FBN2: variants seen among roughly 807,000 people sequenced by gnomAD.
The protein encoded by FBN2 is fibrillin 2.
In FBN2, 105 loss-of-function variants were observed where a neutral mutation model predicts 355.6. The observed-to-expected ratio is 0.30, with a 90% CI of 0.25 to 0.35. FBN2 has a LOEUF of 0.35. Ranked by LOEUF, FBN2 falls within the 10% of genes least tolerant of loss-of-function variation. FBN2 has a pLI of 1.00. For missense variants in FBN2, 3,280 were observed against 3,758.7 expected, an observed-to-expected ratio of 0.87 and a Z score of 3.33; for synonymous variants, 1,350 against 1,301.2, an observed-to-expected ratio of 1.04 and a Z score of -0.81.
chr5:128,418,644 T>G (rs1185430808), intron 7 of FBN2, among the ~76,000 whole-genome samples: 1 of 152,202 alleles, frequency 6.6e-6, no homozygotes, highest in Admixed American at 6.5e-5. Context: ...GAGCATGTTG[T>G]TGAATTTCCA....
intron 58 of FBN2, 136 bp downstream of exon 58, chr5:128,277,744 A>G: frequency 2.0e-6 from 2 of 1,011,606 alleles, no homozygotes; most frequent in Non-Finnish European, 3.0e-6. Context: ...CACATTATTG[A>G]GAGGATGGCA....
Position 128,274,632 on chromosome 5 carries a change from T to C in FBN2, c.7646A>G (p.Asn2549Ser). 6.2e-7 allele frequency: 1 copy of C among 1,613,598 alleles called. No homozygotes were observed. Among genetic ancestry groups the C allele is most frequent in the Non-Finnish European group, 8.5e-7 (1 of 1,179,560 alleles). Residue 2549 changes from asparagine to serine, a missense_variant, in exon 60 of 65, where the codon AAC becomes AGC. Transcript: ENST00000262464. ...TTTACAGGTAAACCCCCCCAGGGTG[T>C]TGACACAGAGGAACTGGCAGTTATG... ...KQHNCQFLCV[N>S]TLGGFTCKCP...
intron 62 of FBN2, among the ~76,000 whole-genome samples, chr5:128,265,837 T>C (rs1765101904): frequency 1.3e-5 from 2 of 152,216 alleles, no homozygotes; most frequent in Admixed American, 6.5e-5. Context: ...TCTTCTTCAA[T>C]TGGTAGCAGG....
rs747812036 is a variant in FBN2 at position 128,401,728 on chromosome 5, C to G, written c.1079-6454G>C. On this transcript the variant is annotated intron_variant, in intron 8 of 64. Transcript: ENST00000262464. ...CCCGGGAGGTGGAGCTTGCAGTGAG[C>G]CGATATCACGCCACTGCACTCCAGC... Among the ~76,000 whole-genome samples the G allele has an allele frequency of 9.9e-5, 15 of 152,236 alleles. No homozygotes were observed. In the South Asian group the frequency reaches 2.9e-3, roughly 29 times the overall value.
Position 128,311,951 on chromosome 5 carries a change from C to T in FBN2, c.4882G>A (p.Glu1628Lys). 1 of 1,607,884 alleles carries T rather than the reference C, an allele frequency of 6.2e-7. No homozygotes were observed. The highest frequency in any genetic ancestry group is 1.1e-5 in the South Asian group (1 of 90,850). The change falls in exon 38 of 65, where the codon GAA becomes AAA. Residue 1628 changes from glutamate to lysine, a missense_variant and splice_region_variant. Transcript: ENST00000262464. ...CETCPPVNST[E>K]YYTLCPGGEG... ...CCTCCGGGACACAGGGTGTAATATT[C>T]AGCTACAAAACAATAGAAAAATAAG...
intron 53 of FBN2, among the ~76,000 whole-genome samples, chr5:128,287,963 G>A (rs1178091010): frequency 2.0e-5 from 3 of 152,186 alleles, no homozygotes; most frequent in Admixed American, 2.0e-4. Context: ...GAATGCTAGT[G>A]AGTAAGGTTT....
chr5:128,259,651 T>C lies in FBN2; in HGVS notation c.8543A>G (p.His2848Arg), dbSNP rs1291203524. The C allele has an allele frequency of 1.2e-6, 2 of 1,613,996 alleles. No individual in the cohort carries two copies. The highest frequency in any genetic ancestry group is 2.2e-5 in the East Asian group (1 of 44,858). The change falls in exon 65 of 65, where the codon CAC becomes CGC. Residue 2848 changes from histidine to arginine, a missense_variant. This residue lies in a region of FBN2 where 311 missense variants were observed against 319.1 expected (regional missense o/e 0.97). Coordinates refer to ENST00000262464, the MANE Select transcript of FBN2 (RefSeq NM_001999.4). ...CAAGTAGCTGAGCCCATTCCTTTGG[T>C]GGATGCGGAAGACGCTGTCATCGTT... ...QGNDDSVFRI[H>R]QRNGLSYLHT...
chr5:128,446,733 T>C (rs976953189), intron 6 of FBN2, 127 bp from the exon 7 acceptor site: 49 of 930,644 alleles, frequency 5.3e-5, no homozygotes, highest in Non-Finnish European at 7.7e-5. Context: ...AGAGTGGGGT[T>C]AGAGAAGTAA....
Position 128,350,908 on chromosome 5 carries a change from G to C in FBN2, c.2772C>G (p.Leu924=), listed in dbSNP as rs773453872. ...ATLKSECCAT[L]GAAWGSPCER... is the part of the protein sequence containing the mutation. ...CACAGGGGCTCCCCCAGGCGGCTCC[G>C]AGGGTGGCACAGCATTCAGATTTCA... is the stretch of plus-strand genomic sequence containing the variant. The change falls in exon 21 of 65, where the codon CTC becomes CTG. Residue 924 remains leucine, a synonymous_variant. Coordinates refer to ENST00000262464, the MANE Select transcript of FBN2 (RefSeq NM_001999.4). 3 of 1,613,994 alleles carry C rather than the reference G, an allele frequency of 1.9e-6. No homozygotes were observed. Among genetic ancestry groups the C allele is most frequent in the Non-Finnish European group, 1.7e-6 (2 of 1,180,024 alleles).
At chr5:128,432,143 T>G (rs1753644588) in intron 7 of FBN2, among the ~76,000 whole-genome samples, 1 of 152,234 alleles carries the variant, frequency 6.6e-6, no homozygotes, top group South Asian at 2.1e-4. Context: ...ACATGTATAC[T>G]TATTTTAAAA....
At chr5:128,303,786 G>C (rs1749785913) in intron 45 of FBN2, among the ~76,000 whole-genome samples, 2 of 152,130 alleles carry the variant, frequency 1.3e-5, no homozygotes, top group South Asian at 4.1e-4. Flanking sequence ...GAATTGTTAT[G>C]AGTGGACAGA....
At chr5:128,511,970 T>C (rs1431575344) in intron 5 of FBN2, among the ~76,000 whole-genome samples, 1 of 152,188 alleles carries the variant, frequency 6.6e-6, no homozygotes, top group Non-Finnish European at 1.5e-5. Context: ...AAAAGACCAG[T>C]TAAGTAATGA....
At chr5:128,429,648 G>T (rs1753569973) in intron 7 of FBN2, among the ~76,000 whole-genome samples, 1 of 152,062 alleles carries the variant, frequency 6.6e-6, no homozygotes, top group African/African-American at 2.4e-5. Context: ...TGAAGACATA[G>T]AAGAAATATT....
At chr5:128,510,717 G>A (rs1056254000) in intron 5 of FBN2, among the ~76,000 whole-genome samples, 2 of 152,064 alleles carry the variant, frequency 1.3e-5, no homozygotes, top group Admixed American at 6.6e-5. Flanking sequence ...TATTCCCTAG[G>A]CTAGATAAGA....
chr5:128,352,964 G>A (rs1372077562), intron 20 of FBN2, among the ~76,000 whole-genome samples: 4 of 152,080 alleles, frequency 2.6e-5, no homozygotes, highest in Non-Finnish European at 4.4e-5. Context: ...CTGGAGCCCA[G>A]GAGTTCAAGA....
At chr5:128,512,305 A>T (rs1344685460) in intron 5 of FBN2, among the ~76,000 whole-genome samples, 1 of 152,064 alleles carries the variant, frequency 6.6e-6, no homozygotes, top group Non-Finnish European at 1.5e-5. Flanking sequence ...TGAGGTCAGG[A>T]GTTTGAGACC....
intron 8 of FBN2, among the ~76,000 whole-genome samples, chr5:128,408,220 A>C (rs776453839): frequency 2.6e-5 from 4 of 152,186 alleles, no homozygotes; most frequent in Non-Finnish European, 4.4e-5. Flanking sequence ...TTTCTAAATA[A>C]ACAAGGGAGA....
chr5:128,440,155 C>G (rs979839617), intron 7 of FBN2, among the ~76,000 whole-genome samples: 2 of 152,044 alleles, frequency 1.3e-5, no homozygotes, highest in African/African-American at 4.8e-5. Flanking sequence ...TCTAAAATGT[C>G]CTGTTCTCCA....
chr5:128,411,063 A>G (rs1374831372), intron 7 of FBN2, among the ~76,000 whole-genome samples: 1 of 152,136 alleles, frequency 6.6e-6, no homozygotes, highest in Non-Finnish European at 1.5e-5. Context: ...CCCTCACAGG[A>G]CTTGAGACAG....
Sources: gnomAD v4.1 joint callset for allele counts (sites outside exome capture counted in the v4.1 genomes callset) on GRCh38, gnomAD v4.1.1 for gene constraint, gnomAD v4.1.1 regional missense constraint, MANE v1.5 for transcripts, NCBI Gene and HGNC (gene_info 2026-07-23, HGNC 2026-07-21) for gene names.